The following RTF1 variants were observed in gnomAD, a reference collection of about 807,000 sequenced individuals.
RTF1 encodes RTF1 homolog, Paf1/RNA polymerase II complex component.
RTF1 carries 10 observed loss-of-function variants against 95.7 expected under a neutral mutation model. That is an observed-to-expected ratio of 0.10 (90% CI 0.06 to 0.18). RTF1 has a LOEUF of 0.18. Among genes scored for constraint, RTF1 ranks in the 10% least tolerant of loss-of-function variants. The pLI is 1.00. For synonymous variants in RTF1, 305 were observed against 311.8 expected, an observed-to-expected ratio of 0.98 and a Z score of 0.23; for missense variants, 458 against 875.6, an observed-to-expected ratio of 0.52 and a Z score of 6.02.
chr15:41,477,400 C>T, intron 13 of RTF1, 58 bp from the exon 14 acceptor site: 1 of 1,611,864 alleles, frequency 6.2e-7, no homozygotes, highest in East Asian at 2.2e-5. Context: ...GTTCAGGGCT[C>T]AGTGGTTCCC....
chr15:41,442,489 T>A (rs2050740820), intron 2 of RTF1, among the ~76,000 whole-genome samples: 1 of 152,024 alleles, frequency 6.6e-6, no homozygotes, highest in African/African-American at 2.4e-5. Flanking sequence ...CTTTCGTGGG[T>A]GAAAAAACAC....
intron 1 of RTF1, among the ~76,000 whole-genome samples, chr15:41,434,795 T>C (rs1047812569): frequency 2.0e-5 from 3 of 151,308 alleles, no homozygotes; most frequent in African/African-American, 4.9e-5. Flanking sequence ...GCCCGGCTAA[T>C]TTTTTGTATT....
rs527797686 is a variant in RTF1 at position 41,474,634 on chromosome 15, G to T, written c.1218G>T (p.Thr406=). ...SKPVYRVAEI[T]GVVETAKVYQ... ...CTCTCACTTAGGTCGCTGAGATTACGGGTGTTGTGGAAACTGCCAAAGTTT... is the reference window on the plus strand; with the variant it reads ...CTCTCACTTAGGTCGCTGAGATTACTGGTGTTGTGGAAACTGCCAAAGTTT... Residue 406 remains threonine, a synonymous_variant, in exon 9 of 18, where the codon ACG becomes ACT. Transcript: ENST00000389629. 4 of 1,613,866 alleles carry T rather than the reference G, an allele frequency of 2.5e-6. No homozygotes were observed. In the African/African-American group the frequency reaches 5.3e-5, roughly 22 times the overall value.
chr15:41,464,700 C>A, intron 4 of RTF1, 71 bp from the exon 5 acceptor site: 1 of 1,322,084 alleles, frequency 7.6e-7, no homozygotes, highest in African/African-American at 1.5e-5. Context: ...TAGTTCCTTT[C>A]TCCTATCTAA....
intron 2 of RTF1, among the ~76,000 whole-genome samples, chr15:41,441,797 C>T (rs1042544282): frequency 6.6e-6 from 1 of 152,186 alleles, no homozygotes; most frequent in Non-Finnish European, 1.5e-5. Context: ...CCTTCAGATT[C>T]TAGTACTCCA....
Position 41,480,731 on chromosome 15 carries a change from G to A in RTF1, c.*44G>A. 1.5e-6 allele frequency: 2 copies of A among 1,364,342 alleles called. No homozygotes were observed. The highest frequency in any genetic ancestry group is 2.1e-6 in the Non-Finnish European group (2 of 953,194). 84.5% of individuals were successfully genotyped at this position (1,364,342 alleles called of 1,614,324 possible). ...TTCTGACCCTGCATGCCCCATCGCA[G>A]CGTCCCACCTTTCCTCCTTTCCTTT... is the stretch of plus-strand genomic sequence containing the variant. On this transcript the variant is annotated 3_prime_UTR_variant, in exon 18 of 18. Coordinates refer to ENST00000389629, the MANE Select transcript of RTF1 (RefSeq NM_015138.5).
At chr15:41,476,554 A>T (rs1284566526) in intron 12 of RTF1, 31 bp downstream of exon 12, 2 of 1,571,842 alleles carry the variant, frequency 1.3e-6, no homozygotes, top group African/African-American at 2.7e-5. Flanking sequence ...CTCTTTCCTC[A>T]TCCTGTAAGG....
intron 2 of RTF1, among the ~76,000 whole-genome samples, chr15:41,451,225 T>C (rs1566842653): frequency 6.6e-6 from 1 of 152,026 alleles, no homozygotes; most frequent in Non-Finnish European, 1.5e-5. Flanking sequence ...TGTAGAAATA[T>C]TACGTTAATA....
intron 3 of RTF1, among the ~76,000 whole-genome samples, chr15:41,454,130 C>G (rs1338817911): frequency 6.6e-6 from 1 of 151,954 alleles, no homozygotes; most frequent in Admixed American, 6.6e-5. Flanking sequence ...GAGTTTCGCT[C>G]TTGTTGCCCA....
At chr15:41,439,470 C>G (rs758404571) in intron 2 of RTF1, among the ~76,000 whole-genome samples, 1 of 152,072 alleles carries the variant, frequency 6.6e-6, no homozygotes, top group African/African-American at 2.4e-5. Flanking sequence ...AACATCCCTC[C>G]GAGTGATGGT....
At chr15:41,479,435 C>T (rs918444465) in intron 16 of RTF1, among the ~76,000 whole-genome samples, 2 of 152,208 alleles carry the variant, frequency 1.3e-5, no homozygotes, top group African/African-American at 4.8e-5. Context: ...GGCTTCCAGC[C>T]CTCAGCATCC....
chr15:41,419,356 CTACTT>C (rs2050589005), intron 1 of RTF1, among the ~76,000 whole-genome samples: 1 of 152,116 alleles, frequency 6.6e-6, no homozygotes, highest in Non-Finnish European at 1.5e-5. Flanking sequence ...ATTATTTCCT[CTACTT>C]TACATAAAGA....
Position 41,438,410 on chromosome 15 carries a change from G to C in RTF1, c.288G>C (p.Glu96Asp). The change falls in exon 2 of 18, where the codon GAG (glutamate) becomes GAC (aspartate). Residue 96 changes from glutamate to aspartate, a missense_variant. Transcript: ENST00000389629. ...VSQPAASSDS[E>D]TSDSDDEWTF... ...AGCCTGCAGCCTCGTCAGACTCGGA[G>C]ACGTCTGACAGTGACGATGAGGTGG... The C allele has an allele frequency of 6.4e-7, 1 of 1,550,736 alleles. No homozygotes were observed. The highest frequency in any genetic ancestry group is 8.7e-7 in the Non-Finnish European group (1 of 1,146,286).
In RTF1 at chr15:41,474,798, T is replaced by C. The variant is rs1485460700; in HGVS notation, c.1286+96T>C. On this transcript the variant is annotated intron_variant, in intron 9 of 17. Transcript: ENST00000389629. ...CTCTGTGTGATGTTCCTTGTTACCA[T>C]GAACGCTATGTATGCAATCCCCACA... 6 of 885,026 alleles carry C rather than the reference T, an allele frequency of 6.8e-6. No individual in the cohort carries two copies. In the East Asian group the frequency reaches 1.2e-4, roughly 18 times the overall value. The allele number at this position is 885,026 out of a possible 1,614,324, so 54.8% of individuals were successfully genotyped here. A position where few individuals can be genotyped will look rare whatever the true frequency, so the allele number is the denominator to read the frequency against.
chr15:41,420,534 C>T (rs2050595358), intron 1 of RTF1, among the ~76,000 whole-genome samples: 2 of 152,106 alleles, frequency 1.3e-5, no homozygotes, highest in South Asian at 2.1e-4. Flanking sequence ...TAACATTAGA[C>T]TTGCTGTCTA....
At chr15:41,470,499 G>C in intron 7 of RTF1, 107 bp downstream of exon 7, 2 of 1,159,724 alleles carry the variant, frequency 1.7e-6, no homozygotes, top group South Asian at 2.7e-5. Context: ...ACTCTGACAT[G>C]GTTACCTTTG....
intron 2 of RTF1, among the ~76,000 whole-genome samples, chr15:41,450,713 G>A (rs978218011): frequency 2.0e-5 from 3 of 152,156 alleles, no homozygotes; most frequent in Non-Finnish European, 4.4e-5. Context: ...ACTTTGGGAG[G>A]CCAAGGCTGG....
chr15:41,441,849 A>G (rs560950434), intron 2 of RTF1, among the ~76,000 whole-genome samples: 2 of 152,216 alleles, frequency 1.3e-5, no homozygotes, highest in South Asian at 2.1e-4. Context: ...TCCCTCTCTC[A>G]CGAGAGCAGC....
rs2050574756 is a variant in RTF1, at chr15:41,417,165, T to G, written c.50T>G (p.Val17Gly). 7.9e-7 allele frequency: 1 copy of G among 1,261,326 alleles called. No individual in the cohort carries two copies. Among genetic ancestry groups the G allele is most frequent in the African/African-American group, 1.6e-5 (1 of 64,396 alleles). 78.1% of individuals were successfully genotyped at this position (1,261,326 alleles called of 1,614,324 possible). Residue 17 changes from valine to glycine, a missense_variant, in exon 1 of 18, where the codon GTG (valine) becomes GGG (glycine). Physicochemically the swap from Val to Gly is moderately radical, Grantham distance 109 (BLOSUM62 -3). Around this residue, in one of 11 missense-constraint regions of RTF1, gnomAD observed 81 missense variants for 59.9 expected, o/e 1.35. Coordinates refer to ENST00000389629, the MANE Select transcript of RTF1 (RefSeq NM_015138.5). ...VGRAAAAAAA[V>G]AVPLAGGQEG... is the part of the protein sequence containing the mutation. ...CGAGCAGCGGCGGCGGCGGCGGCAG[T>G]GGCGGTCCCACTGGCAGGCGGGCAA...
Sources: allele counts gnomAD v4.1 joint callset (sites outside exome capture counted in the v4.1 genomes callset), GRCh38; gene constraint gnomAD v4.1.1; regional missense constraint gnomAD v4.1.1; transcripts MANE v1.5; gene names NCBI Gene and HGNC (gene_info 2026-07-23, HGNC 2026-07-21).